Variants in EDA observed in about 807,000 individuals in gnomAD.
The protein encoded by EDA is ectodysplasin A.
EDA carries 2 observed loss-of-function variants against 23.6 expected under a neutral mutation model. That is an observed-to-expected ratio of 0.08 (90% CI 0.03 to 0.27). The LOEUF (loss-of-function observed/expected upper bound fraction) is 0.27. Ranked by LOEUF, EDA falls within the 10% of genes least tolerant of loss-of-function variation. The pLI is 1.00. For synonymous variants in EDA, 131 were observed against 132.0 expected, an observed-to-expected ratio of 0.99 and a Z score of 0.05; for missense variants, 229 against 324.2, an observed-to-expected ratio of 0.71 and a Z score of 2.26.
chrX:69,661,595 G>A (rs1039396995), intron 1 of EDA, among the ~76,000 whole-genome samples: 2 of 110,991 alleles, frequency 1.8e-5, no homozygotes, highest in Non-Finnish European at 3.8e-5. Flanking sequence ...ACCATTTATT[G>A]AATAGGGAAT....
intron 2 of EDA, among the ~76,000 whole-genome samples, chrX:70,011,412 C>A (rs1449372527): frequency 9.4e-6 from 1 of 106,691 alleles, no homozygotes; most frequent in Non-Finnish European, 1.9e-5. Context: ...CTCACTGCAA[C>A]CTCTGCCTCC....
At chrX:69,736,067 G>A (rs1156424460) in intron 1 of EDA, among the ~76,000 whole-genome samples, 1 of 109,171 alleles carries the variant, frequency 9.2e-6, no homozygotes, top group African/African-American at 3.3e-5. Context: ...AGCACTTCAA[G>A]AGGCTAAGGT....
intron 1 of EDA, among the ~76,000 whole-genome samples, chrX:69,851,716 A>G (rs2017139182): frequency 8.9e-6 from 1 of 112,018 alleles, no homozygotes; most frequent in African/African-American, 3.2e-5. Context: ...ATACAACTGG[A>G]AATGAAGGCA....
At position 69,888,977 on chromosome X, in the gene EDA, GTTATATATATATATATATATATATAT is replaced by G. The variant is rs1197849159; in HGVS notation, c.397-68049_397-68024del. On this transcript the variant is annotated intron_variant, in intron 1 of 7. Coordinates refer to ENST00000374552, the MANE Select transcript of EDA (RefSeq NM_001399.5). ...AGTGGAATTGTTGTATTGTGGGGTA[GTTATATATATATATATATATATATAT>G]ATATATATATATATATATTATGTTT... 3.8e-4 allele frequency among the ~76,000 whole-genome samples: 5 copies of G among 13,239 alleles called. No individual in the cohort carries two copies. The East Asian group carries it at 0.01, about 27-fold the overall frequency. 11.5% of individuals were successfully genotyped at this position (13,239 alleles called of 115,157 possible). A position where few individuals can be genotyped will look rare whatever the true frequency, so the allele number is the denominator to read the frequency against.
chrX:70,002,676 C>T (rs1355853997), intron 2 of EDA, among the ~76,000 whole-genome samples: 1 of 112,384 alleles, frequency 8.9e-6, no homozygotes, highest in Non-Finnish European at 1.9e-5. Flanking sequence ...CACTTACTAG[C>T]TGTGTGACCC....
intron 2 of EDA, among the ~76,000 whole-genome samples, chrX:69,993,007 T>C (rs776300909): frequency 9.0e-6 from 1 of 111,039 alleles, no homozygotes; most frequent in Non-Finnish European, 1.9e-5. Flanking sequence ...AGAATCTTAT[T>C]CTACTTTTTC....
At chrX:69,893,414 C>T (rs1420301937) in intron 1 of EDA, among the ~76,000 whole-genome samples, 1 of 111,737 alleles carries the variant, frequency 8.9e-6, no homozygotes, top group Admixed American at 9.6e-5. Flanking sequence ...CTATTTAACT[C>T]ACTACAACTC....
rs1283690412 is a variant in EDA, at chrX:69,853,020, T to TA, written c.397-104001dup. Among the ~76,000 whole-genome samples, 15 of 111,983 alleles carry TA rather than the reference T, an allele frequency of 1.3e-4. No individual in the cohort carries two copies. The East Asian group carries it at 2.8e-3, about 21-fold the overall frequency. On this transcript the variant is annotated intron_variant, in intron 1 of 7. Transcript: ENST00000374552. ...AGTTCCCATGAACATGAATTCACAA[T>TA]AAAAAATCACACAATTTATGAAGAA...
intron 1 of EDA, among the ~76,000 whole-genome samples, chrX:69,781,994 G>T (rs2014957725): frequency 9.1e-6 from 1 of 109,588 alleles, no homozygotes; most frequent in South Asian, 4.0e-4. Flanking sequence ...AATAGTGTGG[G>T]GGAGGGAGTT....
At chrX:69,937,598 A>T in intron 1 of EDA, 2 of 1,141,968 alleles carry the variant, frequency 1.8e-6, no homozygotes, top group Non-Finnish European at 2.4e-6. Context: ...CTGAAGTCAT[A>T]AGAAGTTCTG....
At chrX:69,814,507 A>G (rs1309530718) in intron 1 of EDA, among the ~76,000 whole-genome samples, 1 of 113,031 alleles carries the variant, frequency 8.8e-6, no homozygotes, top group Admixed American at 9.3e-5. Context: ...CACACATTCT[A>G]TTTCAAATGT....
chrX:69,884,173 G>A (rs1238265984), intron 1 of EDA, among the ~76,000 whole-genome samples: 1 of 111,992 alleles, frequency 8.9e-6, no homozygotes, highest in Non-Finnish European at 1.9e-5. Context: ...ATAGATAGTA[G>A]TAGTTGACAT....
At chrX:69,625,299 T>C (rs1354402352) in intron 1 of EDA, among the ~76,000 whole-genome samples, 1 of 111,447 alleles carries the variant, frequency 9.0e-6, no homozygotes, top group Admixed American at 9.5e-5. Context: ...AAGCATCTTC[T>C]GAGCTTAAAC....
chrX:69,898,816 A>G (rs949270355), intron 1 of EDA, among the ~76,000 whole-genome samples: 4 of 112,073 alleles, frequency 3.6e-5, no homozygotes, highest in African/African-American at 1.3e-4. Context: ...ATAGTGACAA[A>G]TTGCTTTTGT....
At chrX:69,708,662 T>A (rs1295345494) in intron 1 of EDA, among the ~76,000 whole-genome samples, 1 of 111,541 alleles carries the variant, frequency 9.0e-6, no homozygotes, top group Non-Finnish European at 1.9e-5. Context: ...CTGCAACTCA[T>A]ATATTTTAAG....
chrX:70,027,270 G>A (rs1266611298), intron 3 of EDA, among the ~76,000 whole-genome samples: 3 of 111,471 alleles, frequency 2.7e-5, no homozygotes, highest in African/African-American at 6.5e-5. Context: ...CCATGACTGT[G>A]TCTGTTTCCC....
chrX:69,762,564 G>C (rs1030105848), intron 1 of EDA, among the ~76,000 whole-genome samples: 2 of 112,111 alleles, frequency 1.8e-5, no homozygotes, highest in Non-Finnish European at 3.8e-5. Context: ...GCATAATTCA[G>C]ATGTGTGGAC....
intron 1 of EDA, among the ~76,000 whole-genome samples, chrX:69,822,289 T>G (rs1352179641): frequency 9.0e-6 from 1 of 111,085 alleles, no homozygotes; most frequent in Non-Finnish European, 1.9e-5. Context: ...AGACCCTGTC[T>G]CTAAAAAAAT....
chrX:69,699,935 C>T (rs1213994888), intron 1 of EDA, among the ~76,000 whole-genome samples: 2 of 110,431 alleles, frequency 1.8e-5, no homozygotes, highest in East Asian at 2.9e-4. Flanking sequence ...TAAAATATCC[C>T]GCTAGTCCTA....
Sources: allele counts gnomAD v4.1 joint callset (sites outside exome capture counted in the v4.1 genomes callset), GRCh38; gene constraint gnomAD v4.1.1; transcripts MANE v1.5; gene names NCBI Gene and HGNC (gene_info 2026-07-23, HGNC 2026-07-21).